Variants in MSL2 observed in about 807,000 individuals in gnomAD.
MSL2 encodes the protein MSL complex subunit 2, also known as E3 ubiquitin-protein ligase MSL2.
A neutral mutation model predicts 35.8 loss-of-function variants in MSL2; 2 were observed. The ratio of observed to expected loss-of-function variants is 0.06; its 90% CI spans 0.02 to 0.18. The LOEUF is 0.18. Among genes scored for constraint, MSL2 ranks in the 10% least tolerant of loss-of-function variants. MSL2 has a pLI of 1.00. For synonymous variants in MSL2, 296 were observed against 255.7 expected, an observed-to-expected ratio of 1.16 and a Z score of -1.50; for missense variants, 523 against 706.7, an observed-to-expected ratio of 0.74 and a Z score of 2.95.
chr3:136,155,667 C>G, intron 1 of MSL2: 2 of 481,076 alleles, frequency 4.2e-6, no homozygotes, highest in South Asian at 3.4e-5. Context: ...CAGTAACGAG[C>G]TAAACAAAAC....
chr3:136,178,963 T>C lies in MSL2; in HGVS notation c.142+16009A>G, dbSNP rs146317975. Among the ~76,000 whole-genome samples the C allele has an allele frequency of 2.0e-3, 296 of 150,282 alleles. 9 individuals are homozygous for C. In the East Asian group the frequency reaches 0.049, roughly 25 times the overall value. On this transcript the variant is annotated intron_variant, in intron 1 of 1. Transcript: ENST00000309993. The stretch of plus-strand genomic sequence containing the variant: ...CTGAGGATGCTGCCCAGGAATGTAG[T>C]TATTTTGTTGGTTTTCTTTTTTTTT...
chr3:136,152,479 A>G lies in MSL2; in HGVS notation c.402T>C (p.Asn134=). 6.2e-7 allele frequency: 1 copy of G among 1,614,256 alleles called. No individual in the cohort carries two copies. The highest frequency in any genetic ancestry group is 8.5e-7 in the Non-Finnish European group (1 of 1,180,044). ...DCSSDILALL[N]DGSLFCEETE... The stretch of plus-strand genomic sequence containing the variant: ...TCTCCTCACAAAACAATGATCCATC[A>G]TTAAGCAAAGCCAAAATATCAGAAG... Residue 134 remains asparagine, a synonymous_variant, in exon 2 of 2, where the codon AAT becomes AAC. Transcript: ENST00000309993.
At chr3:136,184,618 C>CA (rs894418973) in intron 1 of MSL2, among the ~76,000 whole-genome samples, 3 of 150,866 alleles carry the variant, frequency 2.0e-5, no homozygotes, top group Admixed American at 6.6e-5. Flanking sequence ...AACAAACAAA[C>CA]AAAAAAAAGA....
In MSL2 at chr3:136,152,346, C is replaced by G; in HGVS notation, c.535G>C (p.Glu179Gln). The change falls in exon 2 of 2, where the codon GAA (glutamate) becomes CAA (glutamine). Residue 179 changes from glutamate to glutamine, a missense_variant. Physicochemically the swap from Glu to Gln is conservative, Grantham distance 29. This residue lies in a region of MSL2 where 361 missense variants were observed against 414.6 expected (regional missense o/e 0.87). Coordinates refer to ENST00000309993, the MANE Select transcript of MSL2 (RefSeq NM_018133.4). ...DPQASLSPMS[E>Q]STLSIAIGSS... Reference sequence around the variant, plus strand: ...CCAATAGCAATGCTGAGGGTGCTTTCAGACATTGGAGATAAACTAGCTTGA... The same window carrying G: ...CCAATAGCAATGCTGAGGGTGCTTTGAGACATTGGAGATAAACTAGCTTGA... 6.2e-7 allele frequency: 1 copy of G among 1,614,200 alleles called. No homozygotes were observed. The highest frequency in any genetic ancestry group is 8.5e-7 in the Non-Finnish European group (1 of 1,180,034).
intron 1 of MSL2, among the ~76,000 whole-genome samples, chr3:136,187,683 AT>A (rs1235394820): frequency 9.9e-5 from 15 of 150,892 alleles, no homozygotes; most frequent in African/African-American, 2.7e-4. Flanking sequence ...AAAAAAAAAA[AT>A]TTTTTTTGAC....
intron 1 of MSL2, among the ~76,000 whole-genome samples, chr3:136,191,467 CAAAA>C (rs11293553): frequency 7.3e-5 from 9 of 123,032 alleles, no homozygotes; most frequent in East Asian, 2.5e-4. Context: ...GAATCCGTCT[CAAAA>C]AAAAAAAAAA....
At chr3:136,160,877 A>C (rs1939690601) in intron 1 of MSL2, among the ~76,000 whole-genome samples, 1 of 152,128 alleles carries the variant, frequency 6.6e-6, no homozygotes, top group Non-Finnish European at 1.5e-5. Flanking sequence ...TCACGAGGTC[A>C]GGAGATCGAG....
chr3:136,183,595 G>A lies in MSL2; in HGVS notation c.142+11377C>T, dbSNP rs142230430. Among the ~76,000 whole-genome samples the A allele has an allele frequency of 2.2e-3, 328 of 152,144 alleles. 2 individuals are homozygous for A. Among genetic ancestry groups the A allele is most frequent in the African/African-American group, 7.6e-3 (315 of 41,522 alleles). On this transcript the variant is annotated intron_variant, in intron 1 of 1. Transcript: ENST00000309993. ...CACCAACCATGTCCAGCTAATTTTT[G>A]TATTTGTTGTAGAGGCAGGGTTTTG...
In MSL2 at chr3:136,151,722, T is replaced by G; in HGVS notation, c.1159A>C (p.Thr387Pro). The G allele has an allele frequency of 6.2e-7, 1 of 1,614,148 alleles. No homozygotes were observed. Residue 387 changes from threonine (T) to proline (P), a missense_variant, in exon 2 of 2, where the codon ACT (threonine) becomes CCT (proline). Transcript: ENST00000309993. This position sits in a 1 kb window ranked among gnomAD's most constrained non-coding sequence, Gnocchi z 5.2. ...GGTGTTGTGCCTCCATTGGGAACAG[T>G]TGCTATAGGTTGAAGAGAAATTTTG... is the stretch of plus-strand genomic sequence containing the variant. Reference protein sequence around the residue: ...ESKISLQPIATVPNGGTTPKI... With the variant: ...ESKISLQPIAPVPNGGTTPKI...
intron 1 of MSL2, among the ~76,000 whole-genome samples, chr3:136,176,146 A>G (rs964723549): frequency 6.6e-6 from 1 of 152,210 alleles, no homozygotes; most frequent in Non-Finnish European, 1.5e-5. Flanking sequence ...CAGTTCTTGG[A>G]CAAGTAAAAC....
intron 1 of MSL2, among the ~76,000 whole-genome samples, chr3:136,167,163 CA>C (rs2108072778): frequency 6.6e-6 from 1 of 152,072 alleles, no homozygotes; most frequent in East Asian, 1.9e-4. Context: ...TAATAATGAT[CA>C]TAAAATGGCA....
intron 1 of MSL2, among the ~76,000 whole-genome samples, chr3:136,171,263 T>C (rs1017976444): frequency 3.3e-5 from 5 of 152,158 alleles, no homozygotes; most frequent in Non-Finnish European, 5.9e-5. Flanking sequence ...AGAAAACTTA[T>C]GAAGAGCTTC....
chr3:136,182,638 G>C (rs957018611), intron 1 of MSL2, among the ~76,000 whole-genome samples: 1 of 151,574 alleles, frequency 6.6e-6, no homozygotes, highest in Non-Finnish European at 1.5e-5. Context: ...GAAGCACAGA[G>C]ATGAGAGAGC....
chr3:136,156,274 G>A (rs761255038), intron 1 of MSL2, among the ~76,000 whole-genome samples: 1 of 152,190 alleles, frequency 6.6e-6, no homozygotes, highest in African/African-American at 2.4e-5. Context: ...AGGAAAAAAA[G>A]CCTCTTTAAG....
chr3:136,182,659 A>AAG, intron 1 of MSL2, among the ~76,000 whole-genome samples: 1 of 151,912 alleles, frequency 6.6e-6, no homozygotes, highest in Non-Finnish European at 1.5e-5. Flanking sequence ...TGCACAGAGA[A>AAG]AGAGGTCCAG....
At position 136,195,458 on chromosome 3, in the gene MSL2, C is replaced by T. The variant is rs1559977320; in HGVS notation, c.-345G>A. On this transcript the variant is annotated 5_prime_UTR_variant, in exon 1 of 2. Coordinates refer to ENST00000309993, the MANE Select transcript of MSL2 (RefSeq NM_018133.4). Reference sequence around the variant, plus strand: ...TCTAGCCCCGCGGCTCGGCAGGCGGCCTGCACTCGAGCTCCATCTCCGGAC... The same window carrying T: ...TCTAGCCCCGCGGCTCGGCAGGCGGTCTGCACTCGAGCTCCATCTCCGGAC... 34 of 1,039,132 alleles carry T rather than the reference C, an allele frequency of 3.3e-5. No individual in the cohort carries two copies. In the South Asian group the frequency reaches 1.1e-3, roughly 33 times the overall value. The allele number at this position is 1,039,132 out of a possible 1,614,324, so 64.4% of individuals were successfully genotyped here. A position where few individuals can be genotyped will look rare whatever the true frequency, so the allele number is the denominator to read the frequency against.
chr3:136,180,760 A>G lies in MSL2; in HGVS notation c.142+14212T>C, dbSNP rs138365415. On this transcript the variant is annotated intron_variant, in intron 1 of 1. Coordinates refer to ENST00000309993, the MANE Select transcript of MSL2 (RefSeq NM_018133.4). ...GAGGAGGAGAGGAGGGAAGGAGGGA[A>G]GGAGGGAGGGAGGGAGGGAGGGAGG... Among the ~76,000 whole-genome samples the G allele has an allele frequency of 8.1e-3, 336 of 41,600 alleles. 2 individuals are homozygous for G. Among genetic ancestry groups the G allele is most frequent in the African/African-American group, 9.4e-3 (110 of 11,692 alleles). The allele number at this position is 41,600 out of a possible 152,430, so 27.3% of individuals were successfully genotyped here.
At chr3:136,183,396 A>G (rs879341205) in intron 1 of MSL2, among the ~76,000 whole-genome samples, 1 of 152,112 alleles carries the variant, frequency 6.6e-6, no homozygotes, top group Non-Finnish European at 1.5e-5. Flanking sequence ...CCCCACCTCT[A>G]TGAAAAATTT....
At chr3:136,170,187 A>G (rs1255540091) in intron 1 of MSL2, among the ~76,000 whole-genome samples, 1 of 150,706 alleles carries the variant, frequency 6.6e-6, no homozygotes, top group Non-Finnish European at 1.5e-5. Context: ...ACTTAAAAAT[A>G]TATATATATA....
Sources: allele counts gnomAD v4.1 joint callset (sites outside exome capture counted in the v4.1 genomes callset), GRCh38; gene constraint gnomAD v4.1.1; regional missense constraint gnomAD v4.1.1; non-coding constraint Gnocchi (gnomAD v3.1); transcripts MANE v1.5; gene names NCBI Gene and HGNC (gene_info 2026-07-23, HGNC 2026-07-21).